The following DACH1 variants were observed in gnomAD, a reference collection of about 807,000 sequenced individuals.
DACH1 encodes dachshund homolog 1.
DACH1 carries 12 observed loss-of-function variants against 54.2 expected under a neutral mutation model. The observed-to-expected ratio is 0.22, with a 90% CI of 0.14 to 0.36. The LOEUF (loss-of-function observed/expected upper bound fraction) is 0.36, where lower values mean the gene tolerates loss of function less well. DACH1 is among the 10% of genes least tolerant of loss of function. DACH1 has a pLI of 1.00. For synonymous variants in DACH1, 386 were observed against 366.2 expected (o/e 1.05, Z -0.62); for missense variants, 805 against 929.8 (o/e 0.87, Z 1.75).
intron 2 of DACH1, among the ~76,000 whole-genome samples, chr13:71,643,633 C>T (rs1878062902): frequency 6.6e-6 from 1 of 152,088 alleles, no homozygotes. Context: ...TTATCTTACG[C>T]TATGAGTTTA....
rs528541349 is a variant in DACH1 at position 71,500,221 on chromosome 13, C to T, written c.1571-11073G>A. On this transcript the variant is annotated intron_variant, in intron 6 of 10. Transcript: ENST00000613252. ...TTCTGAAATGTGCTTTGAGAATTTT[C>T]GGGGGGAGGGAGGAAGAGTTGTCTC... Among the ~76,000 whole-genome samples the T allele has an allele frequency of 5.3e-5, 8 of 152,006 alleles. No homozygotes were observed. In the South Asian group the frequency reaches 1.0e-3, roughly 20 times the overall value.
intron 1 of DACH1, among the ~76,000 whole-genome samples, chr13:71,720,449 C>T (rs143911598): frequency 5.9e-5 from 9 of 152,148 alleles, no homozygotes; most frequent in Non-Finnish European, 1.0e-4. Context: ...ACCCTATTGT[C>T]AGCCATAACG....
intron 3 of DACH1, among the ~76,000 whole-genome samples, chr13:71,577,537 T>G (rs944867009): frequency 9.9e-5 from 15 of 152,230 alleles, no homozygotes; most frequent in Non-Finnish European, 4.4e-5. Flanking sequence ...ACAGCAATGC[T>G]GATTCAGTTG....
chr13:71,759,648 T>C (rs1423168190), intron 1 of DACH1, among the ~76,000 whole-genome samples: 1 of 152,160 alleles, frequency 6.6e-6, no homozygotes, highest in African/African-American at 2.4e-5. Flanking sequence ...AAGATTTGTT[T>C]GTGAAACATG....
At chr13:71,545,475 T>C (rs967775369) in intron 6 of DACH1, among the ~76,000 whole-genome samples, 6 of 150,012 alleles carry the variant, frequency 4.0e-5, no homozygotes, top group Middle Eastern at 3.4e-3. Context: ...AAGTATCTCA[T>C]AGTTATCACG....
At chr13:71,757,691 T>C (rs1356976899) in intron 1 of DACH1, among the ~76,000 whole-genome samples, 1 of 151,976 alleles carries the variant, frequency 6.6e-6, no homozygotes, top group East Asian at 1.9e-4. Flanking sequence ...GCCCAGCTAA[T>C]TTTTGTATTT....
intron 1 of DACH1, among the ~76,000 whole-genome samples, chr13:71,818,781 G>C (rs1888065879): frequency 6.6e-6 from 1 of 152,246 alleles, no homozygotes; most frequent in South Asian, 2.1e-4. Context: ...CTCCTTTGGA[G>C]TGTGGACAAT....
At chr13:71,766,303 A>G (rs924953876) in intron 1 of DACH1, among the ~76,000 whole-genome samples, 2 of 152,124 alleles carry the variant, frequency 1.3e-5, no homozygotes, top group Admixed American at 6.5e-5. Context: ...CTTAGAATCT[A>G]TAATCACTTG....
rs1309523588 is a variant in DACH1 at position 71,866,893 on chromosome 13, G to A, written c.-124C>T. 4 of 696,854 alleles carry A rather than the reference G, an allele frequency of 5.7e-6. No homozygotes were observed. Among genetic ancestry groups the A allele is most frequent in the East Asian group, 4.3e-5 (1 of 23,354 alleles). The allele number at this position is 696,854 out of a possible 1,614,324, so 43.2% of individuals were successfully genotyped here. The stretch of plus-strand genomic sequence containing the variant: ...GGGGGGCAACAACAACTCCGGGAGA[G>A]AACGAGAAGGAGAAAGGGAGAGAAG... On this transcript the variant is annotated 5_prime_UTR_variant, in exon 1 of 11. Coordinates refer to ENST00000613252, the MANE Select transcript of DACH1 (RefSeq NM_080759.6).
At chr13:71,567,566 T>C (rs1265699360) in intron 4 of DACH1, among the ~76,000 whole-genome samples, 1 of 151,978 alleles carries the variant, frequency 6.6e-6, no homozygotes, top group East Asian at 1.9e-4. Flanking sequence ...TTTTGGATAC[T>C]TGGAGAGAAA....
At chr13:71,507,154 TC>T (rs1223786150) in intron 6 of DACH1, among the ~76,000 whole-genome samples, 10 of 152,152 alleles carry the variant, frequency 6.6e-5, no homozygotes, top group Non-Finnish European at 1.3e-4. Flanking sequence ...TGCAACCTAC[TC>T]ATCTTAAGAT....
At chr13:71,444,368 C>T (rs1177512970) in intron 10 of DACH1, among the ~76,000 whole-genome samples, 1 of 152,056 alleles carries the variant, frequency 6.6e-6, no homozygotes, top group Non-Finnish European at 1.5e-5. Context: ...CTCATTATTT[C>T]TAGCATGTAT....
At chr13:71,668,777 T>G (rs1880031277) in intron 2 of DACH1, among the ~76,000 whole-genome samples, 1 of 151,752 alleles carries the variant, frequency 6.6e-6, no homozygotes, top group African/African-American at 2.4e-5. Flanking sequence ...ATACAAAAAT[T>G]AGCCAGGCAT....
At chr13:71,800,628 C>A (rs917228601) in intron 1 of DACH1, among the ~76,000 whole-genome samples, 1 of 152,060 alleles carries the variant, frequency 6.6e-6, no homozygotes, top group Non-Finnish European at 1.5e-5. Flanking sequence ...TTCTCTACAA[C>A]ACCTACACTT....
intron 10 of DACH1, among the ~76,000 whole-genome samples, chr13:71,446,121 G>A (rs927894662): frequency 1.3e-5 from 2 of 151,968 alleles, no homozygotes; most frequent in Admixed American, 6.6e-5. Context: ...CTCATTATTC[G>A]GAGGTGTGCT....
chr13:71,539,558 T>G (rs967879649), intron 6 of DACH1, among the ~76,000 whole-genome samples: 1 of 152,084 alleles, frequency 6.6e-6, no homozygotes, highest in African/African-American at 2.4e-5. Flanking sequence ...ATAATCAATA[T>G]AAAAACTTGC....
At chr13:71,526,788 T>C (rs955868912) in intron 6 of DACH1, among the ~76,000 whole-genome samples, 2 of 151,510 alleles carry the variant, frequency 1.3e-5, no homozygotes, top group South Asian at 2.1e-4. Flanking sequence ...TTTACTGTTA[T>C]GTAAGAGCAA....
intron 2 of DACH1, among the ~76,000 whole-genome samples, chr13:71,651,858 T>C (rs1011015010): frequency 6.6e-6 from 1 of 152,194 alleles, no homozygotes; most frequent in Non-Finnish European, 1.5e-5. Flanking sequence ...CATACACATA[T>C]ATACAGATAT....
intron 1 of DACH1, among the ~76,000 whole-genome samples, chr13:71,863,887 A>G (rs1014636456): frequency 6.6e-6 from 1 of 150,766 alleles, no homozygotes; most frequent in Non-Finnish European, 1.5e-5. Context: ...TTGATTATTA[A>G]AGAGAAAAAA....
Sources: allele counts gnomAD v4.1 joint callset (sites outside exome capture counted in the v4.1 genomes callset), GRCh38; gene constraint gnomAD v4.1.1; transcripts MANE v1.5; gene names NCBI Gene and HGNC (gene_info 2026-07-23, HGNC 2026-07-21).